The following SORBS2 variants were observed in gnomAD, a reference collection of about 807,000 sequenced individuals.
The protein encoded by SORBS2 is sorbin and SH3 domain containing 2, also known as sorbin and SH3 domain-containing protein 2.
SORBS2 carries 46 observed loss-of-function variants against 97.7 expected under a neutral mutation model. The observed-to-expected ratio is 0.47, with a 90% CI of 0.37 to 0.60. SORBS2 has a LOEUF of 0.60. Among genes scored for constraint, SORBS2 ranks in the 20% least tolerant of loss-of-function variants. SORBS2 has a pLI of 0.00. For synonymous variants in SORBS2, 476 were observed against 473.4 expected, an observed-to-expected ratio of 1.01 and a Z score of -0.07; for missense variants, 1,316 against 1,282.3, an observed-to-expected ratio of 1.03 and a Z score of -0.40.
chr4:185,655,270 G>A (rs904134962), intron 1 of SORBS2, among the ~76,000 whole-genome samples: 4 of 152,220 alleles, frequency 2.6e-5, no homozygotes, highest in African/African-American at 4.8e-5. Flanking sequence ...CCTCGGCATA[G>A]GCTGGCTGTC....
rs562438163 is a variant in SORBS2 at position 185,656,865 on chromosome 4, G to A, written c.-227C>T. On this transcript the variant is annotated 5_prime_UTR_variant, in exon 1 of 15. Coordinates refer to ENST00000418609, the Ensembl canonical transcript of SORBS2. ...TCCCAGGAGAGCTCTCAGCAGGCACGGCTGAAGAGGGACATTAAAATGTGT... is the reference window on the plus strand; with the variant it reads ...TCCCAGGAGAGCTCTCAGCAGGCACAGCTGAAGAGGGACATTAAAATGTGT... The A allele has an allele frequency of 2.1e-4, 272 of 1,300,772 alleles. 1 individual carries two copies. Among genetic ancestry groups the A allele is most frequent in the Non-Finnish European group, 1.8e-4 (188 of 1,027,216 alleles). The allele number at this position is 1,300,772 out of a possible 1,614,324, so 80.6% of individuals were successfully genotyped here. A position where few individuals can be genotyped will look rare whatever the true frequency, so the allele number is the denominator to read the frequency against.
In SORBS2 at chr4:185,868,147, C is replaced by CTTTCTTTCTTTTTTTT. The variant is rs1288748201; in HGVS notation, c.-338+88048_-338+88049insAAAAAAAAGAAAGAAA. Among the ~76,000 whole-genome samples, 483 of 89,626 alleles carry CTTTCTTTCTTTTTTTT rather than the reference C, an allele frequency of 5.4e-3. 61 individuals are homozygous for CTTTCTTTCTTTTTTTT. The highest frequency in any genetic ancestry group is 0.014 in the Middle Eastern group (2 of 146). 58.8% of individuals were successfully genotyped at this position (89,626 alleles called of 152,430 possible). A position where few individuals can be genotyped will look rare whatever the true frequency, so the allele number is the denominator to read the frequency against. ...TCTACTTTCCTTTCTCTTTTCTTTT[C>CTTTCTTTCTTTTTTTT]TTTTTTTCTTTCTTTTTTTTTTTTT... On this transcript the variant is annotated intron_variant, in intron 1 of 20. Transcript: ENST00000284776.
intron 1 of SORBS2, among the ~76,000 whole-genome samples, chr4:185,953,271 G>A (rs770899224): frequency 5.9e-5 from 9 of 152,296 alleles, no homozygotes; most frequent in South Asian, 4.1e-4. Flanking sequence ...CCGAGATTGC[G>A]CCACCGCACT....
At chr4:185,736,692 T>C (rs2098689818) in intron 2 of SORBS2, among the ~76,000 whole-genome samples, 1 of 152,158 alleles carries the variant, frequency 6.6e-6, no homozygotes, top group South Asian at 2.1e-4. Context: ...TCAGGGCCAC[T>C]GGAACACAAC....
At chr4:185,657,338 C>T, upstream of SORBS2, 2 of 1,275,504 alleles carry the variant, frequency 1.6e-6, no homozygotes, top group Non-Finnish European at 2.1e-6. Context: ...ATATAAGACC[C>T]TAGGAATGCA....
chr4:185,886,410 C>T (rs1029443516), intron 1 of SORBS2, among the ~76,000 whole-genome samples: 1 of 151,746 alleles, frequency 6.6e-6, no homozygotes, highest in Non-Finnish European at 1.5e-5. Flanking sequence ...AAAAAATTAG[C>T]CGGGCATGGT....
At chr4:185,620,257 G>A in intron 7 of SORBS2, 106 bp from the exon 20 acceptor site, 1 of 764,014 alleles carries the variant, frequency 1.3e-6, no homozygotes, top group Non-Finnish European at 2.4e-6. Context: ...CAAATTTGGA[G>A]AGACACCGTT....
chr4:185,815,556 A>G (rs189234801), intron 1 of SORBS2, among the ~76,000 whole-genome samples: 2 of 152,310 alleles, frequency 1.3e-5, no homozygotes, highest in East Asian at 3.9e-4. Context: ...TGATTTTCTA[A>G]GACAAATATT....
At chr4:185,798,007 C>T (rs181975890) in intron 1 of SORBS2, among the ~76,000 whole-genome samples, 1 of 152,306 alleles carries the variant, frequency 6.6e-6, no homozygotes, top group East Asian at 1.9e-4. Context: ...CCTCCCTCAT[C>T]CCAAAGACTG....
In SORBS2 at chr4:185,684,027, C is replaced by T. The variant is rs1041951548; in HGVS notation, c.-197-5205G>A. Among the ~76,000 whole-genome samples the T allele has an allele frequency of 6.0e-5, 9 of 150,886 alleles. No individual in the cohort carries two copies. The highest frequency in any genetic ancestry group is 1.9e-4 in the African/African-American group (8 of 41,130). The stretch of plus-strand genomic sequence containing the variant: ...CCAACCAGCCAACCAACCAACCAAC[C>T]CACCAACCAACCCATCACCAACAGG... On this transcript the variant is annotated intron_variant, in intron 2 of 20. Coordinates refer to the SORBS2 transcript ENST00000284776. This position sits in a 1 kb window ranked among gnomAD's most constrained non-coding sequence, Gnocchi z 4.2.
intron 1 of SORBS2, among the ~76,000 whole-genome samples, chr4:185,949,230 G>A (rs1000061615): frequency 6.6e-6 from 1 of 152,224 alleles, no homozygotes; most frequent in Non-Finnish European, 1.5e-5. Flanking sequence ...GAAGCAGTGG[G>A]CTGGGAGGAG....
intron 2 of SORBS2, among the ~76,000 whole-genome samples, chr4:185,762,611 G>A (rs556499157): frequency 1.3e-5 from 2 of 152,240 alleles, no homozygotes; most frequent in East Asian, 1.9e-4. Context: ...ATGAAGATGC[G>A]AGAGTCAGCA....
intron 1 of SORBS2, among the ~76,000 whole-genome samples, chr4:185,779,588 CT>C (rs1434078482): frequency 6.6e-6 from 1 of 152,166 alleles, no homozygotes; most frequent in Admixed American, 6.5e-5. Flanking sequence ...GCACAGAATT[CT>C]CAATTGATTC....
At chr4:185,849,874 T>C (rs1048476127) in intron 1 of SORBS2, among the ~76,000 whole-genome samples, 1 of 152,232 alleles carries the variant, frequency 6.6e-6, no homozygotes, top group African/African-American at 2.4e-5. Flanking sequence ...AGAACAGTTC[T>C]AGGCTGCCAG....
intron 2 of SORBS2, among the ~76,000 whole-genome samples, chr4:185,770,422 G>A (rs2098963488): frequency 6.6e-6 from 1 of 152,146 alleles, no homozygotes. Context: ...TTGTCCAATT[G>A]TGGCATCATG....
chr4:185,946,362 A>G (rs1263505118), intron 1 of SORBS2, among the ~76,000 whole-genome samples: 1 of 152,190 alleles, frequency 6.6e-6, no homozygotes, highest in African/African-American at 2.4e-5. Flanking sequence ...GTGTGAGCGA[A>G]GGCAATGGTG....
At chr4:185,645,478 T>C (rs1321865880) in intron 4 of SORBS2, 1 of 152,184 alleles carries the variant, frequency 6.6e-6, no homozygotes, top group Non-Finnish European at 1.5e-5. Context: ...TAAGAAGGCT[T>C]AGACAAATAT....
At chr4:185,899,521 G>C (rs2099246560) in intron 1 of SORBS2, among the ~76,000 whole-genome samples, 1 of 152,036 alleles carries the variant, frequency 6.6e-6, no homozygotes, top group Non-Finnish European at 1.5e-5. Flanking sequence ...AGCCTCCTGG[G>C]TTTAAGCGAT....
At chr4:185,711,026 GT>G (rs1367065325) in intron 2 of SORBS2, among the ~76,000 whole-genome samples, 2 of 152,070 alleles carry the variant, frequency 1.3e-5, no homozygotes, top group Non-Finnish European at 2.9e-5. Context: ...CTGGAGTGCC[GT>G]GGTGTGATTA....
Sources: gnomAD v4.1 joint callset for allele counts (sites outside exome capture counted in the v4.1 genomes callset) on GRCh38, gnomAD v4.1.1 for gene constraint, Gnocchi (gnomAD v3.1) non-coding constraint, MANE v1.5 for transcripts, NCBI Gene and HGNC (gene_info 2026-07-23, HGNC 2026-07-21) for gene names.